DCAF1: variants seen among roughly 807,000 people sequenced by gnomAD.
The protein encoded by DCAF1 is DDB1 and CUL4 associated factor 1, also known as DDB1- and CUL4-associated factor 1.
A neutral mutation model predicts 128.0 loss-of-function variants in DCAF1; 15 were observed. That is an observed-to-expected ratio of 0.12 (90% CI 0.08 to 0.18). DCAF1 has a LOEUF of 0.18. DCAF1 is among the 10% of genes least tolerant of loss of function. The pLI is 1.00. For synonymous variants in DCAF1, 610 were observed against 603.0 expected, an observed-to-expected ratio of 1.01 and a Z score of -0.17; for missense variants, 988 against 1,649.5, an observed-to-expected ratio of 0.60 and a Z score of 6.95.
chr3:51,444,147 T>C (rs1701622200), intron 6 of DCAF1, among the ~76,000 whole-genome samples: 2 of 151,816 alleles, frequency 1.3e-5, no homozygotes, highest in Non-Finnish European at 2.9e-5. Flanking sequence ...AAAAAATAAT[T>C]AAAAAATAAA....
At chr3:51,421,413 C>T (rs929680685) in intron 14 of DCAF1, among the ~76,000 whole-genome samples, 3 of 152,096 alleles carry the variant, frequency 2.0e-5, no homozygotes, top group East Asian at 3.9e-4. Context: ...CCTGTCACCA[C>T]GCCCAGCTAA....
chr3:51,485,944 C>A (rs1353705178), intron 2 of DCAF1, among the ~76,000 whole-genome samples: 1 of 148,344 alleles, frequency 6.7e-6, no homozygotes, highest in Non-Finnish European at 1.5e-5. Context: ...CAGGCTGGAG[C>A]GCAGTGGCGC....
chr3:51,427,619 G>A (rs1211667906), intron 12 of DCAF1, 78 bp from the exon 13 acceptor site: 2 of 449,162 alleles, frequency 4.5e-6, no homozygotes, highest in Non-Finnish European at 8.1e-6. Context: ...ACAGCTCACT[G>A]GCCAAGAGAT....
At chr3:51,395,923 G>C (rs782270577), downstream of DCAF1, 1 of 413,494 alleles carries the variant, frequency 2.4e-6, no homozygotes, top group Non-Finnish European at 4.4e-6. Context: ...TTGAGCTGTG[G>C]TCACAGCTGC....
upstream of DCAF1, chr3:51,500,126 A>G (rs1559596431): frequency 6.4e-4 from 78 of 121,774 alleles, 3 homozygotes; most frequent in African/African-American, 2.0e-3. Flanking sequence ...GAAAAAAAAA[A>G]AAAAAAAAAA....
At position 51,412,976 on chromosome 3, in the gene DCAF1, C is replaced by T; in HGVS notation, c.4110+17G>A. On this transcript the variant is annotated intron_variant, in intron 22 of 24. Transcript: ENST00000684031. ...ACATCAGAACAAAAGAGCAGGGCCT[C>T]TGCAAGCTCCCTTTACCTCAATGAC... 6.2e-7 allele frequency: 1 copy of T among 1,613,572 alleles called. No individual in the cohort carries two copies. Among genetic ancestry groups the T allele is most frequent in the South Asian group, 1.1e-5 (1 of 90,974 alleles).
At chr3:51,497,110 C>A (rs528192362) in intron 1 of DCAF1, among the ~76,000 whole-genome samples, 4 of 151,988 alleles carry the variant, frequency 2.6e-5, no homozygotes, top group Admixed American at 2.0e-4. Context: ...GCCTGGCCAA[C>A]GCGGCAAATC....
intron 6 of DCAF1, among the ~76,000 whole-genome samples, chr3:51,445,122 TAAA>T (rs1553639948): frequency 1.3e-5 from 2 of 152,004 alleles, no homozygotes; most frequent in African/African-American, 2.4e-5. Flanking sequence ...AAACATAAAA[TAAA>T]AATAAATAAT....
intron 1 of DCAF1, among the ~76,000 whole-genome samples, chr3:51,498,931 C>A (rs1044970383): frequency 5.3e-5 from 8 of 152,104 alleles, no homozygotes; most frequent in African/African-American, 1.7e-4. Context: ...GCATTTTGAA[C>A]AGGAAGATGC....
At chr3:51,493,983 C>T (rs1356880739) in intron 2 of DCAF1, among the ~76,000 whole-genome samples, 2 of 142,268 alleles carry the variant, frequency 1.4e-5, no homozygotes, top group African/African-American at 2.6e-5. Context: ...GGCGACAGAG[C>T]GAGATTCCGT....
At chr3:51,478,253 C>T (rs782496432) in intron 3 of DCAF1, among the ~76,000 whole-genome samples, 19 of 152,118 alleles carry the variant, frequency 1.2e-4, no homozygotes, top group South Asian at 2.1e-4. Context: ...AATTCACCTG[C>T]CTCAGCCTCC....
chr3:51,447,281 G>A (rs1384357142), intron 6 of DCAF1, among the ~76,000 whole-genome samples: 1 of 151,822 alleles, frequency 6.6e-6, no homozygotes, highest in Non-Finnish European at 1.5e-5. Flanking sequence ...ACAGAGGCGC[G>A]TGCTTGTAGT....
chr3:51,413,831 G>A (rs1698645386), intron 20 of DCAF1, 119 bp downstream of exon 20: 4 of 1,232,380 alleles, frequency 3.2e-6, no homozygotes, highest in African/African-American at 1.6e-5. Context: ...TATCTTTTAT[G>A]TTACAACTCT....
At chr3:51,412,300 A>G in intron 23 of DCAF1, 79 bp downstream of exon 23, 1 of 1,592,522 alleles carries the variant, frequency 6.3e-7, no homozygotes, top group South Asian at 1.1e-5. Context: ...GTAGACCTTT[A>G]AAACCTCCTA....
chr3:51,420,044 G>A lies in DCAF1; in HGVS notation c.2926C>T (p.Arg976Trp), dbSNP rs1699252843. The A allele has an allele frequency of 1.2e-6, 2 of 1,613,962 alleles. No homozygotes were observed. The highest frequency in any genetic ancestry group is 1.7e-6 in the Non-Finnish European group (2 of 1,179,888). The change falls in exon 15 of 25, where the codon CGG becomes TGG. Residue 976 changes from arginine to tryptophan, a missense_variant. Around this residue, in one of 11 missense-constraint regions of DCAF1, gnomAD observed 105 missense variants for 266.7 expected, o/e 0.39. Coordinates refer to ENST00000684031, the MANE Select transcript of DCAF1 (RefSeq NM_001387579.1). This position sits in a 1 kb window ranked among gnomAD's most constrained non-coding sequence, Gnocchi z 6.5. ...TAGGCACCATGGTCCGACTTCTGCC[G>A]CAACACTCTGATTTTCCTGCCATTG... The part of the protein sequence containing the change: ...PCNGRKIRVL[R>W]QKSDHGAYSQ...
chr3:51,462,090 GA>G (rs1202236543), intron 6 of DCAF1, among the ~76,000 whole-genome samples: 44 of 150,892 alleles, frequency 2.9e-4, no homozygotes, highest in African/African-American at 5.8e-4. Context: ...AAAAAGAAAA[GA>G]AAAAAAACCA....
At chr3:51,432,773 T>G (rs1700504312) in intron 10 of DCAF1, among the ~76,000 whole-genome samples, 1 of 152,160 alleles carries the variant, frequency 6.6e-6, no homozygotes, top group Admixed American at 6.6e-5. Context: ...GTTTTTACAA[T>G]AACTCATAAA....
intron 6 of DCAF1, among the ~76,000 whole-genome samples, chr3:51,457,971 A>G (rs1472866459): frequency 2.0e-5 from 3 of 152,248 alleles, no homozygotes; most frequent in Non-Finnish European, 2.9e-5. Flanking sequence ...GCCAAATTGT[A>G]AAGACCATTA....
intron 11 of DCAF1, among the ~76,000 whole-genome samples, 199 bp downstream of exon 11, chr3:51,429,834 A>G (rs782291305): frequency 2.2e-4 from 33 of 152,170 alleles, no homozygotes; most frequent in Non-Finnish European, 4.4e-4. Context: ...AGGCAAGTCT[A>G]CAACGGCACA....
Sources: allele counts gnomAD v4.1 joint callset (sites outside exome capture counted in the v4.1 genomes callset), GRCh38; gene constraint gnomAD v4.1.1; regional missense constraint gnomAD v4.1.1; non-coding constraint Gnocchi (gnomAD v3.1); transcripts MANE v1.5; gene names NCBI Gene and HGNC (gene_info 2026-07-23, HGNC 2026-07-21).